The following NAALADL2 variants were observed in gnomAD, a reference collection of about 807,000 sequenced individuals.
The protein encoded by NAALADL2 is inactive N-acetylated-alpha-linked acidic dipeptidase-like protein 2.
NAALADL2 carries 76 observed loss-of-function variants against 87.2 expected under a neutral mutation model. The observed-to-expected ratio is 0.87, with a 90% CI of 0.72 to 1.05. The LOEUF (loss-of-function observed/expected upper bound fraction) is 1.05. Ranked by LOEUF, NAALADL2 falls within the 50% of genes least tolerant of loss-of-function variation. NAALADL2 has a pLI of 0.00. For missense variants in NAALADL2, 1,089 were observed against 945.8 expected (o/e 1.15, Z -1.99); for synonymous variants, 354 against 331.0 (o/e 1.07, Z -0.75).
chr3:174,562,694 C>T (rs79163576), intron 2 of NAALADL2, among the ~76,000 whole-genome samples: 4,271 of 151,918 alleles, frequency 0.028, 257 homozygotes, highest in East Asian at 0.16. Context: ...ACTGGAACTA[C>T]GCAAGGAGAA....
At chr3:174,957,082 A>AT (rs1348962979) in intron 1 of NAALADL2, among the ~76,000 whole-genome samples, 4 of 151,550 alleles carry the variant, frequency 2.6e-5, no homozygotes, top group Admixed American at 6.6e-5. Flanking sequence ...AGGGATGCTT[A>AT]TTTTTTTTGT....
chr3:175,676,901 C>G (rs1734860352), intron 11 of NAALADL2: 2 of 152,030 alleles, frequency 1.3e-5, no homozygotes, highest in Admixed American at 6.6e-5. Context: ...AACAGTGAAG[C>G]CTTGAGAGGG....
At chr3:174,873,980 T>C (rs1421908605) in intron 1 of NAALADL2, among the ~76,000 whole-genome samples, 1 of 152,046 alleles carries the variant, frequency 6.6e-6, no homozygotes, top group African/African-American at 2.4e-5. Context: ...CTAGTGTGTT[T>C]GGAGAATTTT....
At chr3:174,744,511 C>A (rs892311396) in intron 3 of NAALADL2, among the ~76,000 whole-genome samples, 3 of 152,068 alleles carry the variant, frequency 2.0e-5, no homozygotes, top group African/African-American at 7.2e-5. Context: ...GAGATTTTAA[C>A]AGCCCACTGT....
At position 175,596,221 on chromosome 3, in the gene NAALADL2, A is replaced by C. The variant is rs142222814; in HGVS notation, c.1800+20034A>C. 4.9e-3 allele frequency among the ~76,000 whole-genome samples: 751 copies of C among 152,070 alleles called. 9 individuals carry two copies. The highest frequency in any genetic ancestry group is 0.017 in the African/African-American group (722 of 41,536). The stretch of plus-strand genomic sequence containing the variant: ...TGCATGATTATCTAATCACGTTACT[A>C]TACAATATTGCAAAGTAGAAGTCTG... On this transcript the variant is annotated intron_variant, in intron 10 of 13. Transcript: ENST00000454872.
chr3:175,586,743 A>G (rs1434909265), intron 10 of NAALADL2, among the ~76,000 whole-genome samples: 3 of 152,232 alleles, frequency 2.0e-5, no homozygotes, highest in East Asian at 1.9e-4. Context: ...TAGAAATTTT[A>G]CATATACTAC....
At chr3:175,404,422 A>G (rs1711913575) in intron 5 of NAALADL2, among the ~76,000 whole-genome samples, 1 of 152,144 alleles carries the variant, frequency 6.6e-6, no homozygotes, top group South Asian at 2.1e-4. Context: ...TGTATTCCTG[A>G]ACGTCGAATA....
rs368108339 is a variant in NAALADL2, at chr3:174,683,920, T to C, written c.-114-53721T>C. 2.0e-5 allele frequency among the ~76,000 whole-genome samples: 3 copies of C among 152,136 alleles called. No individual in the cohort carries two copies. The East Asian group carries it at 5.8e-4, about 29-fold the overall frequency. ...TTAAAATAGCTTAGGTTTTAGAGATTATATTAGGGAAAGTTTTAAAAGAAA... is the reference window on the plus strand; with the variant it reads ...TTAAAATAGCTTAGGTTTTAGAGATCATATTAGGGAAAGTTTTAAAAGAAA... On this transcript the variant is annotated intron_variant, in intron 2 of 3. Coordinates refer to the NAALADL2 transcript ENST00000434257.
At chr3:175,781,534 G>GTACT (rs150067626) in intron 13 of NAALADL2, among the ~76,000 whole-genome samples, 7,758 of 151,594 alleles carry the variant, frequency 0.051, 215 homozygotes, top group African/African-American at 0.071. Flanking sequence ...CCTAGTTTAT[G>GTACT]TACTTACTAT....
chr3:175,358,778 AT>A lies in NAALADL2; in HGVS notation c.1090+34454del, dbSNP rs1298289236. On this transcript the variant is annotated intron_variant, in intron 5 of 13. Transcript: ENST00000454872. ...GCTGATTGCCACCATTCTAAATAGC[AT>A]ATCTTTAAAAGATAAATGAAGATTT... Among the ~76,000 whole-genome samples the A allele has an allele frequency of 3.9e-5, 6 of 152,252 alleles. No homozygotes were observed. In the East Asian group the frequency reaches 1.2e-3, roughly 29 times the overall value.
At chr3:175,699,546 T>C (rs1738684928) in intron 11 of NAALADL2, among the ~76,000 whole-genome samples, 1 of 152,048 alleles carries the variant, frequency 6.6e-6, no homozygotes, top group African/African-American at 2.4e-5. Flanking sequence ...ACTAGCCCTC[T>C]ACCCCTCAGT....
At chr3:174,699,247 C>T (rs1729327609) in intron 2 of NAALADL2, among the ~76,000 whole-genome samples, 1 of 152,016 alleles carries the variant, frequency 6.6e-6, no homozygotes, top group Non-Finnish European at 1.5e-5. Flanking sequence ...CCTGTAATCC[C>T]GGCATTTTGG....
At chr3:175,157,607 T>C (rs9819816) in intron 2 of NAALADL2, among the ~76,000 whole-genome samples, 9,393 of 152,138 alleles carry the variant, frequency 0.062, 515 homozygotes, top group African/African-American at 0.14. Flanking sequence ...TCCATCCACA[T>C]TTGAACAGTA....
chr3:175,368,562 G>C (rs570239380), intron 5 of NAALADL2, among the ~76,000 whole-genome samples: 24 of 147,144 alleles, frequency 1.6e-4, no homozygotes, highest in African/African-American at 5.9e-4. Context: ...GACTGTAGCA[G>C]GTGTGTGTGA....
At chr3:175,568,553 G>T (rs944951943) in intron 9 of NAALADL2, among the ~76,000 whole-genome samples, 2 of 152,152 alleles carry the variant, frequency 1.3e-5, no homozygotes, top group Non-Finnish European at 2.9e-5. Flanking sequence ...GAAGTGAAAA[G>T]TTCTGGGATT....
chr3:175,540,321 A>G (rs891975535), intron 9 of NAALADL2, among the ~76,000 whole-genome samples: 3 of 152,188 alleles, frequency 2.0e-5, no homozygotes, highest in Admixed American at 6.5e-5. Flanking sequence ...GAGAAAATGA[A>G]GTGCCAAGGC....
intron 7 of NAALADL2, among the ~76,000 whole-genome samples, chr3:175,465,037 A>G (rs144527791): frequency 0.012 from 1,798 of 152,218 alleles, 37 homozygotes; most frequent in African/African-American, 0.04. Context: ...AGTATTCTTC[A>G]GTATATGATA....
intron 2 of NAALADL2, among the ~76,000 whole-genome samples, chr3:174,558,679 C>G (rs983254702): frequency 1.3e-5 from 2 of 152,106 alleles, no homozygotes; most frequent in African/African-American, 4.8e-5. Context: ...GCTGTAAATA[C>G]AGATGAAGCT....
chr3:175,042,709 T>C (rs1261665794), intron 1 of NAALADL2, among the ~76,000 whole-genome samples: 2 of 152,220 alleles, frequency 1.3e-5, no homozygotes, highest in African/African-American at 2.4e-5. Flanking sequence ...TATTTTCATA[T>C]ATCTATTGAT....
Sources: allele counts gnomAD v4.1 joint callset (sites outside exome capture counted in the v4.1 genomes callset), GRCh38; gene constraint gnomAD v4.1.1; transcripts MANE v1.5; gene names NCBI Gene and HGNC (gene_info 2026-07-23, HGNC 2026-07-21).